ATP8B4: variants seen among roughly 807,000 people sequenced by gnomAD.
ATP8B4 encodes the protein ATPase phospholipid transporting 8B4 (putative), also known as probable phospholipid-transporting ATPase IM.
A neutral mutation model predicts 145.6 loss-of-function variants in ATP8B4; 133 were observed. That is an observed-to-expected ratio of 0.91 (90% CI 0.79 to 1.05). The LOEUF is 1.05. ATP8B4 is among the 50% of genes least tolerant of loss of function. The pLI is 0.00. For missense variants in ATP8B4, 1,458 were observed against 1,425.2 expected (o/e 1.02, Z -0.37); for synonymous variants, 507 against 492.9 (o/e 1.03, Z -0.38).
intron 14 of ATP8B4, among the ~76,000 whole-genome samples, chr15:49,956,713 T>G (rs2043598141): frequency 1.3e-5 from 2 of 151,760 alleles, no homozygotes; most frequent in African/African-American, 2.4e-5. Context: ...AGCTAATTGG[T>G]TTTTTTTGTT....
intron 3 of ATP8B4, among the ~76,000 whole-genome samples, chr15:50,055,981 T>C (rs1390792576): frequency 6.6e-6 from 1 of 152,132 alleles, no homozygotes; most frequent in Non-Finnish European, 1.5e-5. Context: ...TCCACAGCTT[T>C]CCAGGATAGG....
At chr15:50,108,403 CT>C (rs2056787131) in intron 1 of ATP8B4, among the ~76,000 whole-genome samples, 1 of 152,034 alleles carries the variant, frequency 6.6e-6, no homozygotes, top group Non-Finnish European at 1.5e-5. Flanking sequence ...GCAAACACCT[CT>C]TGTTGGCCTC....
chr15:50,094,517 C>T (rs578167801), intron 2 of ATP8B4, among the ~76,000 whole-genome samples: 97 of 150,196 alleles, frequency 6.5e-4, no homozygotes, highest in Non-Finnish European at 1.2e-3. Flanking sequence ...TATCCATATA[C>T]GTATATATTT....
At chr15:50,027,629 T>A (rs1335496322) in intron 6 of ATP8B4, among the ~76,000 whole-genome samples, 1 of 152,246 alleles carries the variant, frequency 6.6e-6, no homozygotes, top group East Asian at 1.9e-4. Context: ...ATACTTAACT[T>A]TTTTCTTTCC....
chr15:49,959,628 C>T (rs1197216712), intron 14 of ATP8B4, among the ~76,000 whole-genome samples: 4 of 151,748 alleles, frequency 2.6e-5, no homozygotes, highest in Non-Finnish European at 4.4e-5. Context: ...CAGTGTTATA[C>T]AAAATTAACA....
In ATP8B4 at chr15:50,030,983, C is replaced by T. The variant is rs184413624; in HGVS notation, c.362+7785G>A. 2.1e-3 allele frequency among the ~76,000 whole-genome samples: 324 copies of T among 152,292 alleles called. 1 individual carries two copies. Among genetic ancestry groups the T allele is most frequent in the Non-Finnish European group, 2.8e-3 (193 of 68,022 alleles). On this transcript the variant is annotated intron_variant, in intron 6 of 27. Coordinates refer to ENST00000284509, the MANE Select transcript of ATP8B4 (RefSeq NM_024837.4). ...GAAACCAGCCCATTGGCAAAGGAAC[C>T]CTTCCATCTGCAAAGCTGAGAACCA...
chr15:49,921,293 A>C (rs1327941652), intron 17 of ATP8B4, among the ~76,000 whole-genome samples: 1 of 152,214 alleles, frequency 6.6e-6, no homozygotes, highest in Non-Finnish European at 1.5e-5. Flanking sequence ...AGTGCAAAAA[A>C]GGTATTATTT....
At chr15:50,111,894 G>A (rs1436088223) in intron 1 of ATP8B4, among the ~76,000 whole-genome samples, 1 of 152,156 alleles carries the variant, frequency 6.6e-6, no homozygotes, top group Non-Finnish European at 1.5e-5. Flanking sequence ...ATGGCTGGGC[G>A]GGGTGGCTCA....
chr15:50,077,133 G>A (rs2054230483), intron 2 of ATP8B4, among the ~76,000 whole-genome samples: 1 of 152,206 alleles, frequency 6.6e-6, no homozygotes, highest in African/African-American at 2.4e-5. Context: ...ATTTACCAGT[G>A]TGAACTCACA....
At chr15:49,996,068 C>T (rs904357007) in intron 9 of ATP8B4, among the ~76,000 whole-genome samples, 1 of 151,948 alleles carries the variant, frequency 6.6e-6, no homozygotes, top group Non-Finnish European at 1.5e-5. Context: ...AAAGGAAAGG[C>T]AAGAGAGATT....
At chr15:49,951,892 T>C (rs9806287) in intron 14 of ATP8B4, among the ~76,000 whole-genome samples, 57,754 of 151,988 alleles carry the variant, frequency 0.38, 12,407 homozygotes, top group East Asian at 0.93. Context: ...GGCTTGGTGG[T>C]AACAAAATCC....
At chr15:50,066,675 T>G (rs915640187) in intron 3 of ATP8B4, among the ~76,000 whole-genome samples, 1 of 152,180 alleles carries the variant, frequency 6.6e-6, no homozygotes, top group Non-Finnish European at 1.5e-5. Flanking sequence ...AAAGATTGAT[T>G]TAAAAATGGT....
At chr15:50,113,914 C>A (rs921889790) in intron 1 of ATP8B4, among the ~76,000 whole-genome samples, 1 of 148,538 alleles carries the variant, frequency 6.7e-6, no homozygotes, top group Non-Finnish European at 1.5e-5. Flanking sequence ...AATTACCGTG[C>A]CTCAACAATA....
At chr15:49,994,410 C>T (rs536800735) in intron 9 of ATP8B4, among the ~76,000 whole-genome samples, 3 of 152,030 alleles carry the variant, frequency 2.0e-5, no homozygotes, top group Admixed American at 2.0e-4. Flanking sequence ...CTCGGCCCCC[C>T]AATGGGATTT....
intron 2 of ATP8B4, among the ~76,000 whole-genome samples, chr15:50,088,143 T>C (rs1430013814): frequency 1.3e-5 from 2 of 152,130 alleles, no homozygotes; most frequent in Non-Finnish European, 2.9e-5. Flanking sequence ...ATCCCAGCAC[T>C]TTAGGAGGCC....
At chr15:50,003,193 T>C (rs1275279545) in intron 7 of ATP8B4, among the ~76,000 whole-genome samples, 1 of 152,080 alleles carries the variant, frequency 6.6e-6, no homozygotes, top group African/African-American at 2.4e-5. Context: ...TGTTCTTGAA[T>C]CTTGGGGGTT....
At chr15:49,916,367 T>C (rs1292591725) in intron 20 of ATP8B4, among the ~76,000 whole-genome samples, 1 of 152,174 alleles carries the variant, frequency 6.6e-6, no homozygotes, top group Admixed American at 6.5e-5. Flanking sequence ...TTATTTCACA[T>C]AAACAGTATA....
At chr15:49,941,796 G>A (rs2042181021) in intron 14 of ATP8B4, among the ~76,000 whole-genome samples, 1 of 151,926 alleles carries the variant, frequency 6.6e-6, no homozygotes, top group Non-Finnish European at 1.5e-5. Flanking sequence ...ATTTAAAACG[G>A]GCATCAACTG....
chr15:49,940,935 CAT>C, intron 14 of ATP8B4, among the ~76,000 whole-genome samples: 1 of 152,100 alleles, frequency 6.6e-6, no homozygotes, highest in East Asian at 1.9e-4. Flanking sequence ...CCTCGAGAGA[CAT>C]AGAGAGAAAG....
Sources: allele counts gnomAD v4.1 joint callset (sites outside exome capture counted in the v4.1 genomes callset), GRCh38; gene constraint gnomAD v4.1.1; transcripts MANE v1.5; gene names NCBI Gene and HGNC (gene_info 2026-07-23, HGNC 2026-07-21).